Variants in SRGN observed in about 807,000 individuals in gnomAD.
The protein encoded by SRGN is hematopoetic proteoglycan core peptide.
A neutral mutation model predicts 9.5 loss-of-function variants in SRGN; 2 were observed. The observed-to-expected ratio is 0.21, with a 90% CI of 0.09 to 0.66. The LOEUF (loss-of-function observed/expected upper bound fraction) is 0.66, where lower values mean the gene tolerates loss of function less well. Among genes scored for constraint, SRGN ranks in the 30% least tolerant of loss-of-function variants. The pLI, the probability that SRGN is intolerant of heterozygous loss-of-function variation, is 0.83. For synonymous variants in SRGN, 59 were observed against 72.3 expected, an observed-to-expected ratio of 0.82 and a Z score of 0.93; for missense variants, 170 against 192.4, an observed-to-expected ratio of 0.88 and a Z score of 0.69.
rs1379268111 is a variant in SRGN, at chr10:69,097,111, A to G, written c.107A>G (p.Gln36Arg). 6.2e-7 allele frequency: 1 copy of G among 1,614,162 alleles called. No individual in the cohort carries two copies. The highest frequency in any genetic ancestry group is 2.2e-5 in the East Asian group (1 of 44,890). The change falls in exon 2 of 3, where the codon CAA becomes CGA. Residue 36 changes from glutamine to arginine, a missense_variant. Coordinates refer to ENST00000242465, the MANE Select transcript of SRGN (RefSeq NM_002727.4). ...TATCCTACGCGGAGAGCCAGGTACC[A>G]ATGGGTGCGCTGCAATCCAGACAGT... is the stretch of plus-strand genomic sequence containing the variant. Reference protein sequence around the residue: ...QGYPTRRARYQWVRCNPDSNS... With the variant: ...QGYPTRRARYRWVRCNPDSNS...
rs75115665 is a variant in SRGN, at chr10:69,102,328, A to T, written c.228-1543A>T. 4.5e-3 allele frequency among the ~76,000 whole-genome samples: 688 copies of T among 152,230 alleles called. 7 individuals are homozygous for T. Among genetic ancestry groups the T allele is most frequent in the African/African-American group, 0.016 (665 of 41,532 alleles). On this transcript the variant is annotated intron_variant, in intron 2 of 2. Coordinates refer to ENST00000242465, the MANE Select transcript of SRGN (RefSeq NM_002727.4). ...TAGCCACCTGGTCACTCCCTATTAC[A>T]TTGGTCAATTTCATTTCTCTGTGCC...
intron 2 of SRGN, among the ~76,000 whole-genome samples, chr10:69,103,604 G>C (rs1361476198): frequency 1.3e-5 from 2 of 151,924 alleles, no homozygotes; most frequent in Non-Finnish European, 2.9e-5. Flanking sequence ...ATATGCTAGT[G>C]ATAACAAAAT....
upstream of SRGN, among the ~76,000 whole-genome samples, chr10:69,087,725 G>A (rs546198709): frequency 2.0e-5 from 3 of 152,002 alleles, no homozygotes; most frequent in East Asian, 3.9e-4. Context: ...GCTTGGTGAC[G>A]AAAAGGCAGC....
At chr10:69,098,632 A>G (rs1241040579) in intron 2 of SRGN, 1 of 151,760 alleles carries the variant, frequency 6.6e-6, no homozygotes, top group East Asian at 1.9e-4. Context: ...CATTTTTTAT[A>G]TTAAAAAAAT....
At chr10:69,092,775 C>T (rs1207651741) in intron 1 of SRGN, among the ~76,000 whole-genome samples, 1 of 129,454 alleles carries the variant, frequency 7.7e-6, no homozygotes. Flanking sequence ...GCCTGGATGA[C>T]GGAGCAAGAC....
At chr10:69,088,012 C>T, upstream of SRGN, 1 of 615,502 alleles carries the variant, frequency 1.6e-6, no homozygotes, top group Non-Finnish European at 2.9e-6. Context: ...ATGTGGATGT[C>T]TTTCTATTTG....
intron 1 of SRGN, among the ~76,000 whole-genome samples, chr10:69,095,328 A>T (rs932305243): frequency 1.3e-5 from 2 of 148,272 alleles, no homozygotes; most frequent in African/African-American, 5.0e-5. Flanking sequence ...AAAAAAAAGT[A>T]CTTTTCTTCA....
chr10:69,098,218 C>A (rs907563553), intron 2 of SRGN, among the ~76,000 whole-genome samples: 1 of 152,060 alleles, frequency 6.6e-6, no homozygotes, highest in African/African-American at 2.4e-5. Flanking sequence ...GTGGTATAAG[C>A]ATACAAAGGA....
At chr10:69,089,036 G>C (rs1438737964) in intron 1 of SRGN, among the ~76,000 whole-genome samples, 9 of 152,216 alleles carry the variant, frequency 5.9e-5, no homozygotes, top group Admixed American at 5.9e-4. Flanking sequence ...GCTTGATAGA[G>C]AGATGGCTGA....
chr10:69,095,179 G>A (rs1343274829), intron 1 of SRGN, among the ~76,000 whole-genome samples: 1 of 151,596 alleles, frequency 6.6e-6, no homozygotes, highest in Non-Finnish European at 1.5e-5. Flanking sequence ...ATGATTGTGG[G>A]CACCTGTCAT....
intron 1 of SRGN, among the ~76,000 whole-genome samples, chr10:69,095,973 T>C (rs1022414978): frequency 3.9e-5 from 6 of 152,116 alleles, no homozygotes; most frequent in African/African-American, 1.4e-4. Context: ...AATATCAGAT[T>C]TGGAGCCTTT....
rs1840365645 is a variant in SRGN at position 69,104,797 on chromosome 10, A to G, written c.*677A>G. The G allele has an allele frequency of 6.6e-6, 1 of 152,222 alleles. No homozygotes were observed. Among genetic ancestry groups the G allele is most frequent in the South Asian group, 2.1e-4 (1 of 4,838 alleles). The allele number at this position is 152,222 out of a possible 1,614,324, so 9.4% of individuals were successfully genotyped here. A position where few individuals can be genotyped will look rare whatever the true frequency, so the allele number is the denominator to read the frequency against. ...TGTTACTATATATTAAAGCAGAAAT[A>G]TAACCAAAGGTTAAGCTGTCTCGGA... On this transcript the variant is annotated 3_prime_UTR_variant, in exon 3 of 3. Transcript: ENST00000242465.
At chr10:69,098,218 CA>C (rs1399319383) in intron 2 of SRGN, among the ~76,000 whole-genome samples, 3 of 152,060 alleles carry the variant, frequency 2.0e-5, no homozygotes, top group African/African-American at 7.2e-5. Context: ...GTGGTATAAG[CA>C]TACAAAGGAA....
chr10:69,098,926 C>T (rs988272759), intron 2 of SRGN: 3 of 151,884 alleles, frequency 2.0e-5, no homozygotes, highest in Non-Finnish European at 4.4e-5. Flanking sequence ...CATTGCACTC[C>T]AGCCTAGGCA....
chr10:69,095,175 G>C (rs1490062631), intron 1 of SRGN, among the ~76,000 whole-genome samples: 8 of 151,762 alleles, frequency 5.3e-5, no homozygotes, highest in African/African-American at 1.9e-4. Flanking sequence ...GGATATGATT[G>C]TGGGCACCTG....
intron 1 of SRGN, among the ~76,000 whole-genome samples, chr10:69,090,892 AC>A (rs1231809860): frequency 6.6e-6 from 1 of 152,114 alleles, no homozygotes; most frequent in Non-Finnish European, 1.5e-5. Context: ...TGAATCTTCC[AC>A]TTTTATTGCC....
chr10:69,102,958 G>T (rs909364930), intron 2 of SRGN, among the ~76,000 whole-genome samples: 1 of 151,946 alleles, frequency 6.6e-6, no homozygotes, highest in African/African-American at 2.4e-5. Context: ...TTGGTGGAGG[G>T]TATGGAGTTT....
At chr10:69,088,819 A>G (rs1385121116) in intron 1 of SRGN, among the ~76,000 whole-genome samples, 1 of 152,086 alleles carries the variant, frequency 6.6e-6, no homozygotes, top group Non-Finnish European at 1.5e-5. Context: ...AGGCCAAATA[A>G]TTTGGTATTT....
At position 69,103,903 on chromosome 10, in the gene SRGN, T is replaced by A; in HGVS notation, c.260T>A (p.Phe87Tyr). The stretch of plus-strand genomic sequence containing the variant: ...AGAATCCAGGACTTGAATCGTATCT[T>A]CCCACTTTCTGAGGACTACTCTGGA... ...KTRIQDLNRI[F>Y]PLSEDYSGSG... The change falls in exon 3 of 3, where the codon TTC (phenylalanine) becomes TAC (tyrosine). Residue 87 changes from phenylalanine (F) to tyrosine (Y), a missense_variant. Physicochemically the swap from Phe to Tyr is conservative, Grantham distance 22 (BLOSUM62 3). Coordinates refer to ENST00000242465, the MANE Select transcript of SRGN (RefSeq NM_002727.4). The A allele has an allele frequency of 6.2e-7, 1 of 1,614,238 alleles. No individual in the cohort carries two copies. The highest frequency in any genetic ancestry group is 8.5e-7 in the Non-Finnish European group (1 of 1,180,038).
Sources: allele counts gnomAD v4.1 joint callset (sites outside exome capture counted in the v4.1 genomes callset), GRCh38; gene constraint gnomAD v4.1.1; transcripts MANE v1.5; gene names NCBI Gene and HGNC (gene_info 2026-07-23, HGNC 2026-07-21).